The following ATP9A variants were observed in gnomAD, a reference collection of about 807,000 sequenced individuals.
The protein encoded by ATP9A is probable phospholipid-transporting ATPase IIA.
Under a neutral mutation model 144.1 loss-of-function variants are expected in ATP9A, and 52 were observed. The observed-to-expected ratio is 0.36, with a 90% CI of 0.29 to 0.45. ATP9A has a LOEUF of 0.45. ATP9A is among the 20% of genes least tolerant of loss of function. The pLI, the probability that ATP9A is intolerant of heterozygous loss-of-function variation, is 1.00. For synonymous variants in ATP9A, 582 were observed against 557.4 expected (o/e 1.04, Z -0.62); for missense variants, 947 against 1,392.7 (o/e 0.68, Z 5.09).
At chr20:51,733,137 A>C (rs1433587318) in intron 1 of ATP9A, among the ~76,000 whole-genome samples, 4 of 152,184 alleles carry the variant, frequency 2.6e-5, no homozygotes, top group Non-Finnish European at 5.9e-5. Flanking sequence ...CTATTTATTA[A>C]TTACTTAGCC....
At chr20:51,620,873 C>A (rs1308803734) in intron 19 of ATP9A, among the ~76,000 whole-genome samples, 1 of 152,000 alleles carries the variant, frequency 6.6e-6, no homozygotes, top group Non-Finnish European at 1.5e-5. Context: ...CTAGGCCAGG[C>A]GCGGTGGCTC....
chr20:51,641,290 T>C (rs1250269621), intron 14 of ATP9A, among the ~76,000 whole-genome samples: 6 of 150,862 alleles, frequency 4.0e-5, no homozygotes, highest in Non-Finnish European at 8.9e-5. Context: ...ACCTGGAAGG[T>C]AGAAGTTGCA....
intron 14 of ATP9A, among the ~76,000 whole-genome samples, chr20:51,649,771 G>T (rs146321260): frequency 6.6e-6 from 1 of 151,946 alleles, no homozygotes; most frequent in African/African-American, 2.4e-5. Context: ...AAAATTAGCC[G>T]GGCGTGGTGG....
chr20:51,622,126 G>T lies in ATP9A; in HGVS notation c.2063C>A (p.Ala688Glu). 1 of 1,614,094 alleles carries T rather than the reference G, an allele frequency of 6.2e-7. No individual in the cohort carries two copies. Among genetic ancestry groups the T allele is most frequent in the Non-Finnish European group, 8.5e-7 (1 of 1,179,998 alleles). ...TCTGGTCACCAGATGTGCATTCTTC[G>T]CTGTGCACGTAGCTGTCTCCAGCTT... ...GDKLETATCT[A>E]KNAHLVTRNQ... The change falls in exon 19 of 28, where the codon GCG becomes GAG. Residue 688 changes from alanine (A) to glutamate (E), a missense_variant. This residue lies in a region of ATP9A where 770 missense variants were observed against 1,047.9 expected (regional missense o/e 0.73). Coordinates refer to ENST00000338821, the MANE Select transcript of ATP9A (RefSeq NM_006045.3).
At chr20:51,658,314 C>T (rs1391548675) in intron 13 of ATP9A, among the ~76,000 whole-genome samples, 1 of 152,028 alleles carries the variant, frequency 6.6e-6, no homozygotes, top group Non-Finnish European at 1.5e-5. Flanking sequence ...CAAAAATTAG[C>T]TGGGTGTGGT....
chr20:51,618,543 C>T (rs2077212687), intron 21 of ATP9A, 119 bp downstream of exon 21: 3 of 1,401,162 alleles, frequency 2.1e-6, no homozygotes, highest in Non-Finnish European at 2.8e-6. Context: ...AAATCATGAC[C>T]TGAACAAAGG....
intron 14 of ATP9A, among the ~76,000 whole-genome samples, chr20:51,650,896 C>CACAT (rs1394893781): frequency 4.0e-4 from 47 of 116,498 alleles, no homozygotes; most frequent in Non-Finnish European, 8.0e-4. Flanking sequence ...GAAAATACAT[C>CACAT]ACACATACAC....
At chr20:51,608,453 G>T in intron 25 of ATP9A, 65 bp downstream of exon 25, 1 of 1,022,536 alleles carries the variant, frequency 9.8e-7, no homozygotes, top group Non-Finnish European at 1.6e-6. Flanking sequence ...AAAGCAGGGA[G>T]GGAGGGAAGG....
At chr20:51,601,404 G>A in intron 27 of ATP9A, 57 bp from the exon 28 acceptor site, 1 of 1,511,470 alleles carries the variant, frequency 6.6e-7, no homozygotes, top group South Asian at 1.3e-5. Flanking sequence ...GAAGGTGCAT[G>A]GGGTCCAGAA....
chr20:51,702,231 C>A (rs1400735208), intron 4 of ATP9A, among the ~76,000 whole-genome samples: 1 of 147,712 alleles, frequency 6.8e-6, no homozygotes, highest in African/African-American at 2.5e-5. Context: ...CCTGCAAAGG[C>A]GGAGGCTGCA....
At chr20:51,761,072 C>T (rs1262973904) in intron 1 of ATP9A, among the ~76,000 whole-genome samples, 1 of 152,104 alleles carries the variant, frequency 6.6e-6, no homozygotes, top group African/African-American at 2.4e-5. Flanking sequence ...GAGAGTCCTA[C>T]CTAACACCAC....
chr20:51,654,585 C>G (rs2077379825), intron 14 of ATP9A, among the ~76,000 whole-genome samples: 1 of 151,822 alleles, frequency 6.6e-6, no homozygotes, highest in African/African-American at 2.4e-5. Flanking sequence ...TAAAGCCGGG[C>G]ATGGTGGCAC....
chr20:51,619,313 C>CA, intron 19 of ATP9A, among the ~76,000 whole-genome samples: 1 of 152,176 alleles, frequency 6.6e-6, no homozygotes, highest in East Asian at 1.9e-4. Context: ...CCTGTAATCC[C>CA]AGCACTTTGG....
intron 2 of ATP9A, among the ~76,000 whole-genome samples, chr20:51,728,817 G>A (rs2077727030): frequency 6.6e-6 from 1 of 152,084 alleles, no homozygotes; most frequent in African/African-American, 2.4e-5. Flanking sequence ...ATAGATTTGT[G>A]CCTCTGCACT....
Position 51,697,500 on chromosome 20 carries a change from C to A in ATP9A, c.437-18G>T. The A allele has an allele frequency of 1.2e-6, 2 of 1,611,244 alleles. No individual in the cohort carries two copies. Among genetic ancestry groups the A allele is most frequent in the South Asian group, 2.2e-5 (2 of 90,778 alleles). On this transcript the variant is annotated intron_variant, in intron 4 of 27. Transcript: ENST00000338821. ...CACTGTGCCTGCAAAGCAGCAGGTT[C>A]AAGATACATCACCATCTTAATTCAT...
chr20:51,748,446 T>C lies in ATP9A; in HGVS notation c.69-18468A>G, dbSNP rs543170243. Among the ~76,000 whole-genome samples the C allele has an allele frequency of 3.3e-5, 5 of 152,284 alleles. No individual in the cohort carries two copies. The South Asian group carries it at 1.0e-3, about 32-fold the overall frequency. ...CCAGTTCCTACACAAGCCTAGACCA[T>C]CTGATTCTGCAAGACAAAGACATTC... On this transcript the variant is annotated intron_variant, in intron 1 of 27. Transcript: ENST00000338821.
chr20:51,642,755 A>C (rs935528986), intron 14 of ATP9A, among the ~76,000 whole-genome samples: 93 of 132,662 alleles, frequency 7.0e-4, no homozygotes, highest in African/African-American at 2.4e-3. Flanking sequence ...AAAAAAAAAA[A>C]AAAAAAAAAC....
chr20:51,755,757 C>T (rs1464664320), intron 1 of ATP9A, among the ~76,000 whole-genome samples: 1 of 152,086 alleles, frequency 6.6e-6, no homozygotes, highest in Non-Finnish European at 1.5e-5. Flanking sequence ...AGATCAAGAC[C>T]ATCCTGGCTA....
In ATP9A at chr20:51,761,551, G is replaced by C. The variant is rs545952961; in HGVS notation, c.68+6751C>G. On this transcript the variant is annotated intron_variant, in intron 1 of 27. Transcript: ENST00000338821. The stretch of plus-strand genomic sequence containing the variant: ...CCAAGGCGGGCAGATCACGAGGTCA[G>C]GAGATCCAGACCATCCTGGCTAACA... Among the ~76,000 whole-genome samples, 4 of 152,082 alleles carry C rather than the reference G, an allele frequency of 2.6e-5. No individual in the cohort carries two copies. The South Asian group carries it at 6.2e-4, about 24-fold the overall frequency.
Sources: gnomAD v4.1 joint callset for allele counts (sites outside exome capture counted in the v4.1 genomes callset) on GRCh38, gnomAD v4.1.1 for gene constraint, gnomAD v4.1.1 regional missense constraint, MANE v1.5 for transcripts, NCBI Gene and HGNC (gene_info 2026-07-23, HGNC 2026-07-21) for gene names.